Variants in CNTN5 observed in about 807,000 individuals in gnomAD.
CNTN5 encodes the protein contactin-5.
CNTN5 carries 77 observed loss-of-function variants against 129.1 expected under a neutral mutation model. The observed-to-expected ratio is 0.60, with a 90% CI of 0.50 to 0.72. The LOEUF is 0.72. Among genes scored for constraint, CNTN5 ranks in the 30% least tolerant of loss-of-function variants. CNTN5 has a pLI of 0.00. For missense variants in CNTN5, 1,478 were observed against 1,328.8 expected (o/e 1.11, Z -1.75); for synonymous variants, 509 against 465.6 (o/e 1.09, Z -1.20).
chr11:99,778,420 C>T (rs77100188), intron 3 of CNTN5, among the ~76,000 whole-genome samples: 2,179 of 151,888 alleles, frequency 0.014, 52 homozygotes, highest in African/African-American at 0.048. Context: ...GAGTATCTAA[C>T]AGGATTTTCT....
At chr11:99,547,716 C>T (rs896566347) in intron 2 of CNTN5, among the ~76,000 whole-genome samples, 3 of 152,182 alleles carry the variant, frequency 2.0e-5, no homozygotes, top group African/African-American at 7.2e-5. Flanking sequence ...TTATATGCTA[C>T]TATCTTCCAT....
rs145157533 is a variant in CNTN5 at position 99,429,755 on chromosome 11, T to C, written c.-71+104271T>C. ...GAGATCATGGGAATAGGCCATATAA[T>C]ATTTTTACAGTACACTTTGTTACTA... On this transcript the variant is annotated intron_variant, in intron 2 of 24. Coordinates refer to ENST00000524871, the MANE Select transcript of CNTN5 (RefSeq NM_014361.4). Among the ~76,000 whole-genome samples the C allele has an allele frequency of 3.1e-4, 47 of 152,206 alleles. 1 individual carries two copies. Among genetic ancestry groups the C allele is most frequent in the African/African-American group, 1.1e-3 (47 of 41,528 alleles).
At chr11:99,428,888 T>A (rs1049189193) in intron 2 of CNTN5, among the ~76,000 whole-genome samples, 2 of 152,080 alleles carry the variant, frequency 1.3e-5, no homozygotes, top group African/African-American at 4.8e-5. Context: ...AATAAATCAG[T>A]TTTTTGCCAA....
chr11:99,857,481 T>A (rs1948076708), intron 6 of CNTN5, among the ~76,000 whole-genome samples: 1 of 152,176 alleles, frequency 6.6e-6, no homozygotes, highest in South Asian at 2.1e-4. Flanking sequence ...TCATACAATT[T>A]ATGCAGAAAT....
At chr11:99,786,543 C>G (rs1485382841) in intron 3 of CNTN5, among the ~76,000 whole-genome samples, 2 of 152,060 alleles carry the variant, frequency 1.3e-5, no homozygotes, top group African/African-American at 4.8e-5. Flanking sequence ...GCCCATATAG[C>G]CAAGACAATC....
intron 8 of CNTN5, among the ~76,000 whole-genome samples, chr11:99,996,084 T>G (rs1939426118): frequency 6.6e-6 from 1 of 152,206 alleles, no homozygotes. Context: ...TTTCTTTTAC[T>G]GACATTGCCA....
intron 2 of CNTN5, among the ~76,000 whole-genome samples, chr11:99,359,125 C>G (rs1938921374): frequency 6.6e-6 from 1 of 151,796 alleles, no homozygotes; most frequent in Non-Finnish European, 1.5e-5. Context: ...TAAAACTTTT[C>G]AAAATGTCAA....
rs373827699 is a variant in CNTN5, at chr11:99,536,109, A to G, written c.-70-20036A>G. Among the ~76,000 whole-genome samples the G allele has an allele frequency of 2.0e-5, 3 of 152,162 alleles. No homozygotes were observed. In the East Asian group the frequency reaches 5.8e-4, roughly 29 times the overall value. ...TCATTTAATAGGTAAATATTAACTG[A>G]TGAAACTGCAATGTCTTTCTTTCAA... On this transcript the variant is annotated intron_variant, in intron 2 of 24. Transcript: ENST00000524871.
At chr11:99,866,997 T>G (rs1453541472) in intron 6 of CNTN5, among the ~76,000 whole-genome samples, 1 of 152,192 alleles carries the variant, frequency 6.6e-6, no homozygotes. Context: ...GGAAACTATA[T>G]AAGTTAATGC....
chr11:99,177,133 C>A (rs10892848), intron 1 of CNTN5, among the ~76,000 whole-genome samples: 33,025 of 89,346 alleles, frequency 0.37, 3,699 homozygotes, highest in South Asian at 0.48. Flanking sequence ...TGGAAATAAA[C>A]CTTATTCCAA....
At chr11:99,279,081 C>T (rs1487766412) in intron 1 of CNTN5, among the ~76,000 whole-genome samples, 1 of 151,820 alleles carries the variant, frequency 6.6e-6, no homozygotes. Flanking sequence ...GCGAAGTACT[C>T]TATCCTTGCC....
At chr11:99,039,930 A>C (rs983114392) in intron 1 of CNTN5, among the ~76,000 whole-genome samples, 5 of 152,174 alleles carry the variant, frequency 3.3e-5, no homozygotes, top group Admixed American at 1.3e-4. Flanking sequence ...AAAAAACTCA[A>C]ACTTTCTATA....
At chr11:100,075,029 A>G (rs1236677699) in intron 13 of CNTN5, among the ~76,000 whole-genome samples, 1 of 152,116 alleles carries the variant, frequency 6.6e-6, no homozygotes, top group Non-Finnish European at 1.5e-5. Flanking sequence ...TCAAAATAAT[A>G]TTGTACTGTA....
At chr11:99,490,434 G>A (rs538157793) in intron 2 of CNTN5, among the ~76,000 whole-genome samples, 1 of 152,260 alleles carries the variant, frequency 6.6e-6, no homozygotes, top group Admixed American at 6.5e-5. Flanking sequence ...ATTATTTAGT[G>A]GAGAATACCA....
chr11:100,285,355 C>T (rs970352829), intron 18 of CNTN5, among the ~76,000 whole-genome samples: 3 of 152,160 alleles, frequency 2.0e-5, no homozygotes, highest in Non-Finnish European at 4.4e-5. Flanking sequence ...AGACAGCCAG[C>T]GTTCCATCAT....
chr11:99,056,572 T>G (rs561034397), intron 1 of CNTN5, among the ~76,000 whole-genome samples: 2 of 152,098 alleles, frequency 1.3e-5, no homozygotes, highest in South Asian at 2.1e-4. Flanking sequence ...TTTTAATAAT[T>G]TTTAGAAATG....
chr11:99,319,743 G>A (rs1344789452), intron 1 of CNTN5, among the ~76,000 whole-genome samples: 1 of 151,926 alleles, frequency 6.6e-6, no homozygotes, highest in Non-Finnish European at 1.5e-5. Context: ...TATTTGATTT[G>A]CAATTTGAAC....
intron 14 of CNTN5, among the ~76,000 whole-genome samples, 177 bp downstream of exon 14, chr11:100,191,430 G>T (rs1014192775): frequency 4.6e-5 from 7 of 152,010 alleles, no homozygotes; most frequent in Admixed American, 6.6e-5. Context: ...ACCATTTAGG[G>T]TACCAAAAAT....
intron 12 of CNTN5, among the ~76,000 whole-genome samples, chr11:100,073,286 A>ATCTGCC (rs1427703891): frequency 1.3e-5 from 2 of 152,086 alleles, no homozygotes; most frequent in Non-Finnish European, 2.9e-5. Context: ...ACCTCAAGTG[A>ATCTGCC]TCTGCCCACC....
Sources: allele counts gnomAD v4.1 joint callset (sites outside exome capture counted in the v4.1 genomes callset), GRCh38; gene constraint gnomAD v4.1.1; transcripts MANE v1.5; gene names NCBI Gene and HGNC (gene_info 2026-07-23, HGNC 2026-07-21).